The following CADPS2 variants were observed in gnomAD, a reference collection of about 807,000 sequenced individuals.
CADPS2 encodes the protein calcium-dependent secretion activator 2.
In CADPS2, 93 loss-of-function variants were observed where a neutral mutation model predicts 172.5. The ratio of observed to expected loss-of-function variants is 0.54; its 90% CI spans 0.46 to 0.64. The LOEUF is 0.64. Ranked by LOEUF, CADPS2 falls within the 30% of genes least tolerant of loss-of-function variation. CADPS2 has a pLI of 0.00. For synonymous variants in CADPS2, 546 were observed against 555.2 expected (o/e 0.98, Z 0.23); for missense variants, 1,420 against 1,565.9 (o/e 0.91, Z 1.57).
intron 20 of CADPS2, among the ~76,000 whole-genome samples, chr7:122,400,512 G>A (rs1191870318): frequency 6.6e-6 from 1 of 151,972 alleles, no homozygotes; most frequent in East Asian, 1.9e-4. Context: ...ACAGTACTGT[G>A]GAATTCAACT....
At chr7:122,702,679 A>C in intron 2 of CADPS2, 1 of 1,613,124 alleles carries the variant, frequency 6.2e-7, no homozygotes, top group Non-Finnish European at 8.5e-7. Flanking sequence ...TAAGTAGTAG[A>C]AAGATACTAA....
intron 1 of CADPS2, among the ~76,000 whole-genome samples, chr7:122,788,014 C>G (rs12533238): frequency 0.37 from 56,317 of 152,040 alleles, 11,279 homozygotes; most frequent in East Asian, 0.56. Context: ...AACATCCCCC[C>G]TGTGAGAATA....
chr7:122,550,634 AG>A (rs149694989), intron 8 of CADPS2, among the ~76,000 whole-genome samples: 2,291 of 152,240 alleles, frequency 0.015, 57 homozygotes, highest in African/African-American at 0.052. Flanking sequence ...CCTTTGAATT[AG>A]GAAAATAATT....
intron 2 of CADPS2, among the ~76,000 whole-genome samples, chr7:122,685,493 G>T (rs1262000512): frequency 1.3e-5 from 2 of 152,138 alleles, no homozygotes; most frequent in Non-Finnish European, 2.9e-5. Context: ...CTATCCTACT[G>T]GCTCTCCTTA....
chr7:122,519,227 T>C (rs1274059694), intron 8 of CADPS2, among the ~76,000 whole-genome samples: 1 of 152,064 alleles, frequency 6.6e-6, no homozygotes, highest in African/African-American at 2.4e-5. Context: ...TAACACTTTT[T>C]CTATTGAACT....
intron 11 of CADPS2, 75 bp downstream of exon 11, chr7:122,490,003 ACTG>A: frequency 8.3e-7 from 1 of 1,203,822 alleles, no homozygotes; most frequent in Non-Finnish European, 1.2e-6. Flanking sequence ...AAACTATAAT[ACTG>A]AATACATTTG....
chr7:122,660,165 G>C (rs1008491902), intron 3 of CADPS2, among the ~76,000 whole-genome samples: 58 of 151,998 alleles, frequency 3.8e-4, no homozygotes, highest in African/African-American at 1.3e-3. Context: ...AGCAATAATA[G>C]AAAGAATATA....
chr7:122,847,844 G>A (rs1028173620), intron 1 of CADPS2, among the ~76,000 whole-genome samples: 3 of 152,222 alleles, frequency 2.0e-5, no homozygotes, highest in African/African-American at 7.2e-5. Flanking sequence ...AATAGGAGTA[G>A]CTGTGGTTAG....
chr7:122,726,806 T>TA (rs1471230627), intron 2 of CADPS2, among the ~76,000 whole-genome samples: 1 of 144,736 alleles, frequency 6.9e-6, no homozygotes, highest in Non-Finnish European at 1.5e-5. Context: ...ACATATAAGA[T>TA]AGAGTTTGCT....
intron 9 of CADPS2, among the ~76,000 whole-genome samples, chr7:122,506,425 T>C (rs1173806871): frequency 6.6e-6 from 1 of 152,184 alleles, no homozygotes; most frequent in Non-Finnish European, 1.5e-5. Flanking sequence ...ATCACTGCTT[T>C]TGATAGGGCA....
chr7:122,469,889 A>G (rs367631717), intron 14 of CADPS2, among the ~76,000 whole-genome samples: 1 of 152,108 alleles, frequency 6.6e-6, no homozygotes, highest in African/African-American at 2.4e-5. Flanking sequence ...AGGTAATGAG[A>G]TAAGTACAGA....
chr7:122,788,481 T>C (rs1364306161), intron 1 of CADPS2, among the ~76,000 whole-genome samples: 3 of 152,228 alleles, frequency 2.0e-5, no homozygotes, highest in Non-Finnish European at 4.4e-5. Context: ...GTGTGACCCA[T>C]TGACACACAA....
chr7:122,837,877 T>C (rs1257685542), intron 1 of CADPS2, among the ~76,000 whole-genome samples: 9 of 152,172 alleles, frequency 5.9e-5, no homozygotes, highest in Admixed American at 5.9e-4. Context: ...CCATTCCTTC[T>C]GAAACTATTC....
chr7:122,351,490 A>G (rs925807070), intron 27 of CADPS2, among the ~76,000 whole-genome samples: 5 of 148,044 alleles, frequency 3.4e-5, no homozygotes, highest in Non-Finnish European at 7.4e-5. Context: ...ATTAATTATT[A>G]TATGTTTAGG....
At chr7:122,846,038 T>G (rs920962882) in intron 1 of CADPS2, among the ~76,000 whole-genome samples, 1 of 152,218 alleles carries the variant, frequency 6.6e-6, no homozygotes, top group African/African-American at 2.4e-5. Flanking sequence ...TATGATGAGT[T>G]CTGGCTGTTT....
At chr7:122,551,220 C>G (rs756844491) in intron 8 of CADPS2, among the ~76,000 whole-genome samples, 3 of 151,932 alleles carry the variant, frequency 2.0e-5, no homozygotes, top group Non-Finnish European at 4.4e-5. Flanking sequence ...AAATTATGTT[C>G]TATTCTCAAT....
chr7:122,801,527 C>T (rs888412429), intron 1 of CADPS2, among the ~76,000 whole-genome samples: 1 of 152,112 alleles, frequency 6.6e-6, no homozygotes, highest in Non-Finnish European at 1.5e-5. Context: ...GCACAAATCA[C>T]CACATGTAAT....
At chr7:122,843,883 G>C (rs917276658) in intron 1 of CADPS2, among the ~76,000 whole-genome samples, 3 of 152,184 alleles carry the variant, frequency 2.0e-5, no homozygotes, top group Admixed American at 1.3e-4. Context: ...ATCCAGGTGA[G>C]GACCAGCATG....
intron 2 of CADPS2, among the ~76,000 whole-genome samples, chr7:122,689,328 TG>T (rs2084027580): frequency 6.6e-6 from 1 of 152,194 alleles, no homozygotes; most frequent in Non-Finnish European, 1.5e-5. Context: ...TGGGCAGCTG[TG>T]GCTATGTCTA....
Sources: gnomAD v4.1 joint callset for allele counts (sites outside exome capture counted in the v4.1 genomes callset) on GRCh38, gnomAD v4.1.1 for gene constraint, MANE v1.5 for transcripts, NCBI Gene and HGNC (gene_info 2026-07-23, HGNC 2026-07-21) for gene names.